PLA2R1: variants seen among roughly 807,000 people sequenced by gnomAD.
PLA2R1 encodes secretory phospholipase A2 receptor.
PLA2R1 carries 158 observed loss-of-function variants against 195.9 expected under a neutral mutation model. The observed-to-expected ratio is 0.81, with a 90% CI of 0.71 to 0.92. PLA2R1 has a LOEUF of 0.92. Among genes scored for constraint, PLA2R1 ranks in the 40% least tolerant of loss-of-function variants. The pLI, the probability that PLA2R1 is intolerant of heterozygous loss-of-function variation, is 0.00. For synonymous variants in PLA2R1, 586 were observed against 598.2 expected, an observed-to-expected ratio of 0.98 and a Z score of 0.30; for missense variants, 1,626 against 1,764.6, an observed-to-expected ratio of 0.92 and a Z score of 1.41.
intron 4 of PLA2R1, among the ~76,000 whole-genome samples, chr2:160,032,553 T>C (rs550535460): frequency 2.2e-4 from 33 of 152,370 alleles, no homozygotes; most frequent in African/African-American, 4.1e-4. Context: ...GCCTATGATG[T>C]ACCTGCACAT....
intron 14 of PLA2R1, among the ~76,000 whole-genome samples, chr2:159,978,743 G>A (rs982441574): frequency 6.6e-6 from 1 of 152,068 alleles, no homozygotes; most frequent in Non-Finnish European, 1.5e-5. Context: ...TCAGAAAAAT[G>A]GATTAGTGGG....
chr2:160,019,679 T>C (rs1240451682), intron 8 of PLA2R1, among the ~76,000 whole-genome samples: 1 of 152,244 alleles, frequency 6.6e-6, no homozygotes, highest in African/African-American at 2.4e-5. Flanking sequence ...ACTGCCCATC[T>C]CTTACGACCT....
intron 10 of PLA2R1, among the ~76,000 whole-genome samples, chr2:160,008,365 G>A (rs1245170864): frequency 1.3e-5 from 2 of 152,082 alleles, no homozygotes; most frequent in Non-Finnish European, 2.9e-5. Context: ...CTAACGCATA[G>A]GCCAGTGGAA....
intron 17 of PLA2R1, among the ~76,000 whole-genome samples, chr2:159,975,866 C>A (rs1327729187): frequency 6.6e-6 from 1 of 152,074 alleles, no homozygotes; most frequent in African/African-American, 2.4e-5. Context: ...ATACAGTAAA[C>A]CTGTACCTCC....
In PLA2R1 at chr2:159,941,477, T is replaced by C. The variant is rs976170935; in HGVS notation, c.*301A>G. The C allele has an allele frequency of 1.5e-5, 3 of 206,832 alleles. No individual in the cohort carries two copies. The highest frequency in any genetic ancestry group is 2.9e-5 in the Non-Finnish European group (3 of 103,194). 12.8% of individuals were successfully genotyped at this position (206,832 alleles called of 1,614,324 possible). ...AGAGATACATTAATGCAAAAACTAT[T>C]ATTCGCATTGATTTCAGAGTTTTCA... On this transcript the variant is annotated 3_prime_UTR_variant, in exon 30 of 30. Transcript: ENST00000283243.
intron 20 of PLA2R1, among the ~76,000 whole-genome samples, chr2:159,960,798 T>C (rs1198708104): frequency 6.6e-6 from 1 of 152,220 alleles, no homozygotes; most frequent in Non-Finnish European, 1.5e-5. Flanking sequence ...TATCTCAGTT[T>C]TAAAACCCAC....
chr2:160,039,068 G>A (rs1041462131), intron 3 of PLA2R1, among the ~76,000 whole-genome samples: 34 of 152,032 alleles, frequency 2.2e-4, no homozygotes, highest in African/African-American at 8.2e-4. Context: ...ATTTCACCAT[G>A]TTGGCCATGC....
Position 160,033,141 on chromosome 2 carries a change from A to AATGGCCATT in PLA2R1, c.668-18_668-10dup, listed in dbSNP as rs747576380. On this transcript the variant is annotated splice_polypyrimidine_tract_variant and intron_variant, in intron 3 of 29. Transcript: ENST00000283243. The stretch of plus-strand genomic sequence containing the variant: ...ACCTACTTCTGCAGAGGCTGGAAAC[A>AATGGCCATT]ATGGCCATTAAAAACAACCAGGTCT... 4.4e-5 allele frequency: 71 copies of AATGGCCATT among 1,599,618 alleles called. No homozygotes were observed. The highest frequency in any genetic ancestry group is 5.7e-5 in the Non-Finnish European group (67 of 1,173,854).
In PLA2R1 at chr2:159,935,834, A is replaced by C. The variant is rs1172931813; in HGVS notation, c.*5944T>G. The C allele has an allele frequency of 6.6e-6, 1 of 152,054 alleles. No homozygotes were observed. Among genetic ancestry groups the C allele is most frequent in the Non-Finnish European group, 1.5e-5 (1 of 68,024 alleles). The allele number at this position is 152,054 out of a possible 1,614,324, so 9.4% of individuals were successfully genotyped here. On this transcript the variant is annotated 3_prime_UTR_variant, in exon 30 of 30. Coordinates refer to ENST00000283243, the MANE Select transcript of PLA2R1 (RefSeq NM_007366.5). ...TACTTTCTTTCAATCTTGTATTTCC[A>C]TTCCAACTCCCCCACAGAATTTTAT...
chr2:159,988,104 T>C (rs980108647), intron 11 of PLA2R1, among the ~76,000 whole-genome samples: 1 of 151,844 alleles, frequency 6.6e-6, no homozygotes, highest in Non-Finnish European at 1.5e-5. Flanking sequence ...AAACAATTTA[T>C]AAATTAAGAT....
intron 1 of PLA2R1, among the ~76,000 whole-genome samples, chr2:160,045,771 AG>A (rs1694820340): frequency 6.6e-6 from 1 of 152,182 alleles, no homozygotes; most frequent in Non-Finnish European, 1.5e-5. Flanking sequence ...ATAGACTCTT[AG>A]TAGGAGATGG....
At chr2:160,009,595 C>T (rs1692221981) in intron 10 of PLA2R1, among the ~76,000 whole-genome samples, 1 of 152,010 alleles carries the variant, frequency 6.6e-6, no homozygotes, top group Non-Finnish European at 1.5e-5. Flanking sequence ...GAAAAAAGTT[C>T]TGGAGATGGA....
At chr2:160,008,797 A>C (rs2105410901) in intron 10 of PLA2R1, among the ~76,000 whole-genome samples, 1 of 152,388 alleles carries the variant, frequency 6.6e-6, no homozygotes, top group East Asian at 1.9e-4. Flanking sequence ...CAAGTTGTAC[A>C]TCAGATAAGG....
At chr2:159,978,234 T>C (rs1450041537) in intron 14 of PLA2R1, among the ~76,000 whole-genome samples, 1 of 152,172 alleles carries the variant, frequency 6.6e-6, no homozygotes, top group Non-Finnish European at 1.5e-5. Flanking sequence ...ACATAACTCA[T>C]ATAATTCACA....
chr2:159,945,923 A>T (rs902700268), intron 27 of PLA2R1: 2 of 852,750 alleles, frequency 2.3e-6, no homozygotes, highest in African/African-American at 3.7e-5. Flanking sequence ...TATATATATA[A>T]TCGATTTAAA....
At chr2:159,984,098 A>G (rs908892422) in intron 12 of PLA2R1, 25 bp from the exon 13 acceptor site, 7 of 1,172,840 alleles carry the variant, frequency 6.0e-6, no homozygotes, top group Middle Eastern at 4.2e-4. Flanking sequence ...AAAATAAATT[A>G]ACATTGTTAT....
rs990381070 is a variant in PLA2R1 at position 159,935,230 on chromosome 2, T to C, written c.*6548A>G. 1 of 152,258 alleles carries C rather than the reference T, an allele frequency of 6.6e-6. No homozygotes were observed. The highest frequency in any genetic ancestry group is 1.9e-4 in the East Asian group (1 of 5,204). The allele number at this position is 152,258 out of a possible 1,614,324, so 9.4% of individuals were successfully genotyped here. On this transcript the variant is annotated 3_prime_UTR_variant, in exon 30 of 30. Coordinates refer to ENST00000283243, the MANE Select transcript of PLA2R1 (RefSeq NM_007366.5). ...TCTCTACTGTAAAGTTATTACTTTC[T>C]CTTTGTAATTAGTGATTATTTTGGG... is the stretch of plus-strand genomic sequence containing the variant.
intron 12 of PLA2R1, among the ~76,000 whole-genome samples, 167 bp downstream of exon 12, chr2:159,986,989 T>C (rs539709708): frequency 6.6e-6 from 1 of 152,158 alleles, no homozygotes; most frequent in South Asian, 2.1e-4. Context: ...ATTTGGAATA[T>C]GATTGAAAGG....
rs1319419212 is a variant in PLA2R1 at position 160,033,110 on chromosome 2, A to G, written c.690T>C (p.Asp230=). The G allele has an allele frequency of 3.1e-6, 5 of 1,612,254 alleles. No individual in the cohort carries two copies. Among genetic ancestry groups the G allele is most frequent in the South Asian group, 1.1e-5 (1 of 90,504 alleles). ...AATTGAGGTCCTTCTCCCAAATAGTATCACAACCTACTTCTGCAGAGGCTG... is the reference window on the plus strand; with the variant it reads ...AATTGAGGTCCTTCTCCCAAATAGTGTCACAACCTACTTCTGCAGAGGCTG... ...PDPTSAEVGC[D]TIWEKDLNSH... Residue 230 remains aspartate (D), a synonymous_variant, in exon 4 of 30, where the codon GAT becomes GAC. Transcript: ENST00000283243.
Sources: allele counts gnomAD v4.1 joint callset (sites outside exome capture counted in the v4.1 genomes callset), GRCh38; gene constraint gnomAD v4.1.1; transcripts MANE v1.5; gene names NCBI Gene and HGNC (gene_info 2026-07-23, HGNC 2026-07-21).